Variants in FGGY observed in about 807,000 individuals in gnomAD.
FGGY encodes FGGY carbohydrate kinase domain containing, also known as FGGY carbohydrate kinase domain-containing protein.
In FGGY, 72 loss-of-function variants were observed where a neutral mutation model predicts 71.3. That is an observed-to-expected ratio of 1.01 (90% CI 0.84 to 1.23). The LOEUF (loss-of-function observed/expected upper bound fraction) is 1.23, where lower values mean the gene tolerates loss of function less well. Among genes scored for constraint, FGGY ranks in the 50% most tolerant of loss-of-function variants. The pLI, the probability that FGGY is intolerant of heterozygous loss-of-function variation, is 0.00. For synonymous variants in FGGY, 251 were observed against 250.3 expected (o/e 1.00, Z -0.02); for missense variants, 668 against 682.3 (o/e 0.98, Z 0.23).
At chr1:59,602,635 T>C (rs1000915889) in intron 8 of FGGY, among the ~76,000 whole-genome samples, 5 of 152,200 alleles carry the variant, frequency 3.3e-5, no homozygotes, top group African/African-American at 1.2e-4. Flanking sequence ...TACAGCTTCA[T>C]GACTCTGAGC....
intron 10 of FGGY, among the ~76,000 whole-genome samples, chr1:59,627,489 T>TATATATACAC (rs1469493501): frequency 7.5e-4 from 70 of 92,746 alleles, no homozygotes; most frequent in South Asian, 1.1e-3. Context: ...TATATATATA[T>TATATATACAC]ACACACACAC....
At chr1:59,576,028 A>G (rs920531191) in intron 8 of FGGY, among the ~76,000 whole-genome samples, 1 of 152,056 alleles carries the variant, frequency 6.6e-6, no homozygotes, top group Non-Finnish European at 1.5e-5. Context: ...ATTTTTGTCT[A>G]ATTGTGTTTG....
At chr1:59,318,504 A>G (rs1309625354) in intron 1 of FGGY, 1 of 152,290 alleles carries the variant, frequency 6.6e-6, no homozygotes, top group Non-Finnish European at 1.5e-5. Flanking sequence ...TAGAGTGGAA[A>G]TCTGCCTCTT....
intron 7 of FGGY, among the ~76,000 whole-genome samples, chr1:59,541,883 G>A (rs2095445094): frequency 6.6e-6 from 1 of 152,164 alleles, no homozygotes; most frequent in African/African-American, 2.4e-5. Flanking sequence ...GTCAGTTACT[G>A]AACGTGCTGA....
At chr1:59,598,650 G>C (rs151069236) in intron 8 of FGGY, among the ~76,000 whole-genome samples, 182 of 152,246 alleles carry the variant, frequency 1.2e-3, no homozygotes, top group African/African-American at 4.2e-3. Context: ...GAAATAAAGA[G>C]ATTGGGTTTC....
intron 14 of FGGY, among the ~76,000 whole-genome samples, chr1:59,743,096 A>G (rs1296434567): frequency 6.6e-6 from 1 of 152,142 alleles, no homozygotes; most frequent in Non-Finnish European, 1.5e-5. Context: ...CCCTGCCTTC[A>G]TCTATAGCTT....
intron 4 of FGGY, among the ~76,000 whole-genome samples, chr1:59,369,818 G>A (rs545494715): frequency 1.3e-5 from 2 of 152,226 alleles, no homozygotes; most frequent in South Asian, 2.1e-4. Context: ...TGGAGTGGAC[G>A]TCTAGCAAAC....
chr1:59,417,935 G>A (rs527327081), intron 5 of FGGY, among the ~76,000 whole-genome samples: 67 of 152,314 alleles, frequency 4.4e-4, no homozygotes, highest in African/African-American at 1.6e-3. Flanking sequence ...TATGTTATTG[G>A]ACAGTTGCAG....
At chr1:59,494,063 G>A (rs1027862637) in intron 6 of FGGY, among the ~76,000 whole-genome samples, 2 of 152,126 alleles carry the variant, frequency 1.3e-5, no homozygotes, top group Non-Finnish European at 2.9e-5. Flanking sequence ...TATCTGCTGT[G>A]ATACATAGAT....
intron 14 of FGGY, among the ~76,000 whole-genome samples, chr1:59,694,352 G>C (rs1220976686): frequency 1.3e-5 from 2 of 151,724 alleles, no homozygotes; most frequent in African/African-American, 2.4e-5. Flanking sequence ...AAAGCTCCAT[G>C]TGATACAAGT....
chr1:59,362,236 ACTT>A (rs917647394), intron 4 of FGGY, among the ~76,000 whole-genome samples: 18 of 149,028 alleles, frequency 1.2e-4, no homozygotes, highest in African/African-American at 3.5e-4. Context: ...TCTTTCCTGT[ACTT>A]CTTCTCTTTT....
At chr1:59,405,748 C>T (rs146501089) in intron 5 of FGGY, among the ~76,000 whole-genome samples, 2 of 152,192 alleles carry the variant, frequency 1.3e-5, no homozygotes, top group African/African-American at 4.8e-5. Flanking sequence ...AGTCATTTGC[C>T]CCACTTGGTT....
At chr1:59,465,549 A>ACT (rs1359464353) in intron 6 of FGGY, among the ~76,000 whole-genome samples, 4 of 152,188 alleles carry the variant, frequency 2.6e-5, no homozygotes, top group African/African-American at 9.7e-5. Flanking sequence ...TTCAATTAGG[A>ACT]AAAGAGGAAG....
At chr1:59,404,306 G>A (rs527735746) in intron 5 of FGGY, among the ~76,000 whole-genome samples, 2 of 152,058 alleles carry the variant, frequency 1.3e-5, no homozygotes, top group South Asian at 2.1e-4. Flanking sequence ...AATCCACCAC[G>A]CACACATTTC....
At chr1:59,611,791 G>C (rs549306599) in intron 9 of FGGY, among the ~76,000 whole-genome samples, 1 of 152,316 alleles carries the variant, frequency 6.6e-6, no homozygotes, top group East Asian at 1.9e-4. Context: ...AACCACTGCA[G>C]ATAAGTCCTT....
chr1:59,421,288 T>C (rs2065367169), intron 5 of FGGY, among the ~76,000 whole-genome samples: 1 of 152,190 alleles, frequency 6.6e-6, no homozygotes, highest in Admixed American at 6.5e-5. Context: ...CAATACAGAA[T>C]GGCTATATGA....
chr1:59,690,529 C>T (rs960660224), intron 14 of FGGY, among the ~76,000 whole-genome samples: 6 of 152,212 alleles, frequency 3.9e-5, no homozygotes, highest in African/African-American at 9.6e-5. Context: ...CACCTCTACA[C>T]GGCCCTACCC....
intron 8 of FGGY, among the ~76,000 whole-genome samples, chr1:59,564,951 G>A (rs1011679853): frequency 1.3e-5 from 2 of 152,122 alleles, no homozygotes; most frequent in Admixed American, 1.3e-4. Flanking sequence ...GAAGAATGGT[G>A]TAAGTTCTTC....
intron 5 of FGGY, among the ~76,000 whole-genome samples, chr1:59,413,345 A>G (rs1202313766): frequency 1.3e-5 from 2 of 152,198 alleles, no homozygotes; most frequent in Non-Finnish European, 2.9e-5. Flanking sequence ...ATTTAAATCT[A>G]TTTATTGATG....
Sources: gnomAD v4.1 joint callset for allele counts (sites outside exome capture counted in the v4.1 genomes callset) on GRCh38, gnomAD v4.1.1 for gene constraint, MANE v1.5 for transcripts, NCBI Gene and HGNC (gene_info 2026-07-23, HGNC 2026-07-21) for gene names.